Variants in ZBTB8A observed in about 807,000 individuals in gnomAD.
ZBTB8A encodes the protein zinc finger and BTB domain containing 8A.
A neutral mutation model predicts 37.8 loss-of-function variants in ZBTB8A; 19 were observed. That is an observed-to-expected ratio of 0.50 (90% CI 0.35 to 0.74). ZBTB8A has a LOEUF of 0.74. Among genes scored for constraint, ZBTB8A ranks in the 30% least tolerant of loss-of-function variants. ZBTB8A has a pLI of 0.01. For synonymous variants in ZBTB8A, 181 were observed against 185.2 expected (o/e 0.98, Z 0.19); for missense variants, 394 against 537.8 (o/e 0.73, Z 2.65).
intron 1 of ZBTB8A, among the ~76,000 whole-genome samples, chr1:32,545,483 T>G (rs1039469713): frequency 3.3e-5 from 5 of 152,202 alleles, no homozygotes; most frequent in African/African-American, 1.2e-4. Context: ...AGGAAACGAA[T>G]GCTTAGAGTT....
At chr1:32,552,688 A>G (rs1279526839) in intron 1 of ZBTB8A, among the ~76,000 whole-genome samples, 2 of 151,996 alleles carry the variant, frequency 1.3e-5, no homozygotes, top group African/African-American at 4.8e-5. Context: ...ACGAAACGAA[A>G]AAAAGGATTG....
At chr1:32,565,468 A>G (rs1644271482) in intron 2 of ZBTB8A, among the ~76,000 whole-genome samples, 1 of 151,974 alleles carries the variant, frequency 6.6e-6, no homozygotes, top group South Asian at 2.1e-4. Context: ...AACCTGAGCA[A>G]CATAGCAAGA....
At chr1:32,542,362 T>G (rs1644063309) in intron 1 of ZBTB8A, among the ~76,000 whole-genome samples, 1 of 151,326 alleles carries the variant, frequency 6.6e-6, no homozygotes, top group Non-Finnish European at 1.5e-5. Flanking sequence ...GATCACGAGG[T>G]CAGGAGTTCG....
rs1644194522 is a variant in ZBTB8A, at chr1:32,555,505, G to A, written c.-2+1965G>A. 2.6e-5 allele frequency among the ~76,000 whole-genome samples: 4 copies of A among 152,140 alleles called. No homozygotes were observed. The South Asian group carries it at 8.3e-4, about 31-fold the overall frequency. On this transcript the variant is annotated intron_variant, in intron 2 of 4. Coordinates refer to ENST00000373510, the MANE Select transcript of ZBTB8A (RefSeq NM_001040441.3). ...GCCCTTTAACCCCTGTACTGCATCTGTCTTGAAATTCTCCACCCTTGGCTA... is the reference window on the plus strand; with the variant it reads ...GCCCTTTAACCCCTGTACTGCATCTATCTTGAAATTCTCCACCCTTGGCTA...
intron 4 of ZBTB8A, among the ~76,000 whole-genome samples, chr1:32,596,635 G>A (rs1435182940): frequency 6.6e-6 from 1 of 152,020 alleles, no homozygotes; most frequent in Non-Finnish European, 1.5e-5. Flanking sequence ...CATCTCATTT[G>A]CTGAGGGAAA....
intron 2 of ZBTB8A, among the ~76,000 whole-genome samples, chr1:32,584,611 G>T (rs759876880): frequency 1.3e-5 from 2 of 148,940 alleles, no homozygotes; most frequent in East Asian, 4.0e-4. Flanking sequence ...TCCTGGGCTC[G>T]AGGGGTCCTG....
chr1:32,600,307 A>G lies in ZBTB8A; in HGVS notation c.1214A>G (p.Glu405Gly), dbSNP rs147884621. Residue 405 changes from glutamate to glycine, a missense_variant, in exon 5 of 5, where the codon GAG becomes GGG. By Grantham distance (98) the Glu-to-Gly change is moderately conservative. Coordinates refer to ENST00000373510, the MANE Select transcript of ZBTB8A (RefSeq NM_001040441.3). ...TCCAGATGGCACTTGAGTGAAGATG[A>G]GAATAGATCCTATGTGGAGATTGTA... ...KDSRWHLSEDENRSYVEIVED... is the reference protein window; with the variant it reads ...KDSRWHLSEDGNRSYVEIVED... 1.3e-4 allele frequency: 209 copies of G among 1,614,078 alleles called. No homozygotes were observed. Among genetic ancestry groups the G allele is most frequent in the Non-Finnish European group, 1.7e-4 (202 of 1,180,044 alleles).
chr1:32,598,885 A>C (rs551459560), intron 4 of ZBTB8A, among the ~76,000 whole-genome samples: 1 of 152,188 alleles, frequency 6.6e-6, no homozygotes, highest in East Asian at 1.9e-4. Flanking sequence ...TTTATGATGA[A>C]TGTCCAGTAG....
chr1:32,547,492 G>A (rs1342263377), intron 1 of ZBTB8A, among the ~76,000 whole-genome samples: 6 of 150,250 alleles, frequency 4.0e-5, no homozygotes, highest in African/African-American at 1.5e-4. Flanking sequence ...TGAGTAGCTG[G>A]GACTACAGGT....
intron 2 of ZBTB8A, among the ~76,000 whole-genome samples, chr1:32,578,175 C>T (rs1644377557): frequency 6.6e-6 from 1 of 152,028 alleles, no homozygotes; most frequent in African/African-American, 2.4e-5. Flanking sequence ...AGCAGTTCTT[C>T]TGCCTCAGCC....
intron 2 of ZBTB8A, among the ~76,000 whole-genome samples, chr1:32,555,514 T>G (rs551312671): frequency 6.6e-6 from 1 of 152,170 alleles, no homozygotes; most frequent in Admixed American, 6.6e-5. Flanking sequence ...TGTCTTGAAA[T>G]TCTCCACCCT....
chr1:32,567,809 A>AC (rs1420253991), intron 2 of ZBTB8A, among the ~76,000 whole-genome samples: 7 of 42,256 alleles, frequency 1.7e-4, no homozygotes, highest in African/African-American at 7.9e-4. Flanking sequence ...AAAAAAAAAA[A>AC]AAAAAAAAAA....
At chr1:32,562,675 C>G (rs999177577) in intron 2 of ZBTB8A, among the ~76,000 whole-genome samples, 5 of 146,002 alleles carry the variant, frequency 3.4e-5, no homozygotes, top group African/African-American at 1.3e-4. Flanking sequence ...CTCGCTGATT[C>G]AAGCGATTCT....
At position 32,602,348 on chromosome 1, in the gene ZBTB8A, AC is replaced by A. The variant is rs1295235495; in HGVS notation, c.*1930del. On this transcript the variant is annotated 3_prime_UTR_variant, in exon 5 of 5. Coordinates refer to ENST00000373510, the MANE Select transcript of ZBTB8A (RefSeq NM_001040441.3). ...CGTCTCAAAAAAAAAAAAAAAAAAA[AC>A]TTCTCCCCTGCATAAATTATGAAAC... 4 of 151,328 alleles carry A rather than the reference AC, an allele frequency of 2.6e-5. No individual in the cohort carries two copies. The highest frequency in any genetic ancestry group is 6.6e-5 in the Admixed American group (1 of 15,120). The allele number at this position is 151,328 out of a possible 1,614,324, so 9.4% of individuals were successfully genotyped here.
intron 4 of ZBTB8A, among the ~76,000 whole-genome samples, chr1:32,599,711 T>A (rs1644560928): frequency 1.3e-5 from 2 of 151,636 alleles, no homozygotes; most frequent in African/African-American, 4.9e-5. Flanking sequence ...AGTGAGACTC[T>A]GTCTCAAAAA....
chr1:32,569,457 G>A (rs950576183), intron 2 of ZBTB8A, among the ~76,000 whole-genome samples: 3 of 139,818 alleles, frequency 2.1e-5, no homozygotes, highest in African/African-American at 5.4e-5. Flanking sequence ...GCAGTGATGC[G>A]ATCTCAGCTC....
chr1:32,575,432 G>GGCCAGGCT (rs1247640878), intron 2 of ZBTB8A, among the ~76,000 whole-genome samples: 1 of 151,054 alleles, frequency 6.6e-6, no homozygotes, highest in Non-Finnish European at 1.5e-5. Context: ...TCACCATGCT[G>GGCCAGGCT]GCCAGGCTGG....
intron 2 of ZBTB8A, among the ~76,000 whole-genome samples, chr1:32,563,862 A>G (rs1463339711): frequency 6.6e-6 from 1 of 152,162 alleles, no homozygotes; most frequent in African/African-American, 2.4e-5. Context: ...AAGCCCCATC[A>G]TAGAACCTAG....
chr1:32,558,438 AACACACACACACACACACACACAC>A (rs35047367), intron 2 of ZBTB8A, among the ~76,000 whole-genome samples: 1 of 145,672 alleles, frequency 6.9e-6, no homozygotes, highest in African/African-American at 2.5e-5. Context: ...CTAAGTATTA[AACACACACACACACACACACACAC>A]ACACACACAC....
Sources: allele counts gnomAD v4.1 joint callset (sites outside exome capture counted in the v4.1 genomes callset), GRCh38; gene constraint gnomAD v4.1.1; transcripts MANE v1.5; gene names NCBI Gene and HGNC (gene_info 2026-07-23, HGNC 2026-07-21).